Variants in AUTS2 observed in about 807,000 individuals in gnomAD.
AUTS2 encodes the protein activator of transcription and developmental regulator AUTS2.
A neutral mutation model predicts 112.4 loss-of-function variants in AUTS2; 17 were observed. The ratio of observed to expected loss-of-function variants is 0.15; its 90% CI spans 0.10 to 0.23. The LOEUF (loss-of-function observed/expected upper bound fraction) is 0.23, where lower values mean the gene tolerates loss of function less well. Ranked by LOEUF, AUTS2 falls within the 10% of genes least tolerant of loss-of-function variation. The pLI is 1.00. For synonymous variants in AUTS2, 751 were observed against 702.7 expected, an observed-to-expected ratio of 1.07 and a Z score of -1.09; for missense variants, 1,510 against 1,701.6, an observed-to-expected ratio of 0.89 and a Z score of 1.98.
chr7:70,763,459 T>G (rs1241859565), intron 7 of AUTS2, 118 bp downstream of exon 7: 1 of 730,848 alleles, frequency 1.4e-6, no homozygotes, highest in African/African-American at 1.8e-5. Context: ...ACATCATCCT[T>G]TTCTCTGAGA....
intron 1 of AUTS2, among the ~76,000 whole-genome samples, chr7:69,805,955 G>A (rs1790283241): frequency 1.3e-5 from 2 of 152,088 alleles, no homozygotes; most frequent in African/African-American, 4.8e-5. Context: ...CTGGAGTGCA[G>A]TGGCGCGTTC....
intron 4 of AUTS2, among the ~76,000 whole-genome samples, chr7:70,253,536 A>G (rs1468867340): frequency 2.0e-5 from 3 of 151,998 alleles, no homozygotes; most frequent in African/African-American, 7.2e-5. Flanking sequence ...TTGTGTGAGT[A>G]TTGCTTGTTT....
intron 2 of AUTS2, among the ~76,000 whole-genome samples, chr7:69,990,644 G>A (rs1221311941): frequency 2.0e-5 from 3 of 152,156 alleles, no homozygotes; most frequent in East Asian, 1.9e-4. Flanking sequence ...CCTTTACATA[G>A]TTTCTGGCTT....
At chr7:70,212,659 A>C (rs1442624162) in intron 4 of AUTS2, among the ~76,000 whole-genome samples, 2 of 151,386 alleles carry the variant, frequency 1.3e-5, no homozygotes, top group Non-Finnish European at 2.9e-5. Context: ...TGTTGATTTG[A>C]TTTGCTTCCC....
At chr7:70,559,835 C>T (rs915636645) in intron 5 of AUTS2, among the ~76,000 whole-genome samples, 4 of 152,142 alleles carry the variant, frequency 2.6e-5, no homozygotes, top group Non-Finnish European at 4.4e-5. Flanking sequence ...TTATGCCCTA[C>T]GTCTTGTCAC....
chr7:70,470,489 ACTGTGAC>A lies in AUTS2; in HGVS notation c.690+34709_690+34715del, dbSNP rs1365128740. On this transcript the variant is annotated intron_variant, in intron 5 of 18. Coordinates refer to ENST00000342771, the MANE Select transcript of AUTS2 (RefSeq NM_015570.4). ...ATTAAATTTGGCCACAGCAGTTAGT[ACTGTGAC>A]AGATTTCTTTTCCATATATAAAATA... Among the ~76,000 whole-genome samples the A allele has an allele frequency of 2.6e-5, 4 of 152,350 alleles. 1 individual carries two copies. Among genetic ancestry groups the A allele is most frequent in the Admixed American group, 2.6e-4 (4 of 15,306 alleles).
chr7:70,571,300 T>G (rs914987705), intron 5 of AUTS2, among the ~76,000 whole-genome samples: 3 of 152,178 alleles, frequency 2.0e-5, no homozygotes, highest in Non-Finnish European at 4.4e-5. Flanking sequence ...TGATATCTGC[T>G]TTATAGGTTG....
chr7:70,644,911 C>T (rs1806067615), intron 5 of AUTS2, among the ~76,000 whole-genome samples: 1 of 152,166 alleles, frequency 6.6e-6, no homozygotes, highest in Non-Finnish European at 1.5e-5. Flanking sequence ...GCTCCTTGAC[C>T]TCTCCAAGAG....
At chr7:70,778,843 G>T (rs1024437458) in intron 14 of AUTS2, among the ~76,000 whole-genome samples, 5 of 152,166 alleles carry the variant, frequency 3.3e-5, no homozygotes, top group African/African-American at 1.2e-4. Flanking sequence ...GGTTGATGTG[G>T]TTAGTGGAAC....
chr7:70,041,342 C>G (rs906507679), intron 2 of AUTS2, among the ~76,000 whole-genome samples: 4 of 152,116 alleles, frequency 2.6e-5, no homozygotes, highest in Non-Finnish European at 5.9e-5. Context: ...CAATATGTCT[C>G]TAGTTATCCT....
intron 5 of AUTS2, among the ~76,000 whole-genome samples, chr7:70,536,627 G>A (rs534435520): frequency 1.6e-3 from 210 of 130,536 alleles, no homozygotes; most frequent in Non-Finnish European, 2.6e-3. Flanking sequence ...TAGGCCAAGC[G>A]CAGTGGCTCA....
At position 69,768,106 on chromosome 7, in the gene AUTS2, C is replaced by T. The variant is rs539778246; in HGVS notation, c.310-131180C>T. ...ATTTGGTGTATTGTTCTGTCTGTGGCAATTGTCTGGTAAATGTTTTATCAG... is the reference window on the plus strand; with the variant it reads ...ATTTGGTGTATTGTTCTGTCTGTGGTAATTGTCTGGTAAATGTTTTATCAG... On this transcript the variant is annotated intron_variant, in intron 1 of 18. Transcript: ENST00000342771. Among the ~76,000 whole-genome samples the T allele has an allele frequency of 4.6e-5, 7 of 152,242 alleles. No individual in the cohort carries two copies. The South Asian group carries it at 1.5e-3, about 32-fold the overall frequency.
chr7:69,686,378 C>T (rs745338973), intron 1 of AUTS2, among the ~76,000 whole-genome samples: 34 of 152,032 alleles, frequency 2.2e-4, no homozygotes, highest in Non-Finnish European at 4.1e-4. Flanking sequence ...GGAATAAATC[C>T]TAATATGAAC....
chr7:70,090,503 A>G (rs1315108498), intron 2 of AUTS2, among the ~76,000 whole-genome samples: 2 of 151,994 alleles, frequency 1.3e-5, no homozygotes, highest in Non-Finnish European at 2.9e-5. Flanking sequence ...GGCTGGGACT[A>G]CAGGTGCGCA....
At chr7:70,756,549 A>G (rs1390741836) in intron 6 of AUTS2, among the ~76,000 whole-genome samples, 1 of 152,264 alleles carries the variant, frequency 6.6e-6, no homozygotes, top group Non-Finnish European at 1.5e-5. Context: ...CTAATAAAAT[A>G]TAAAGGAGAA....
intron 1 of AUTS2, among the ~76,000 whole-genome samples, chr7:69,811,100 T>C (rs1195353263): frequency 2.6e-5 from 4 of 152,182 alleles, no homozygotes; most frequent in Admixed American, 6.5e-5. Flanking sequence ...GGGGGTTCTC[T>C]GGCCAGAGTG....
intron 4 of AUTS2, among the ~76,000 whole-genome samples, chr7:70,406,424 C>T (rs1301017152): frequency 6.6e-6 from 1 of 152,226 alleles, no homozygotes; most frequent in Non-Finnish European, 1.5e-5. Context: ...CCCTCTTCCC[C>T]ATCTTGCAGA....
intron 1 of AUTS2, among the ~76,000 whole-genome samples, chr7:69,848,928 A>G (rs1792335851): frequency 6.6e-6 from 1 of 152,192 alleles, no homozygotes; most frequent in Non-Finnish European, 1.5e-5. Flanking sequence ...TTCAGAAGAC[A>G]AGACATCAGA....
intron 5 of AUTS2, among the ~76,000 whole-genome samples, chr7:70,614,787 C>G (rs200849869): frequency 6.6e-6 from 1 of 152,086 alleles, no homozygotes; most frequent in Non-Finnish European, 1.5e-5. Flanking sequence ...TTACAGCCTC[C>G]CCCCTGGGGA....
Sources: allele counts gnomAD v4.1 joint callset (sites outside exome capture counted in the v4.1 genomes callset), GRCh38; gene constraint gnomAD v4.1.1; transcripts MANE v1.5; gene names NCBI Gene and HGNC (gene_info 2026-07-23, HGNC 2026-07-21).